LINGO2: variants seen among roughly 807,000 people sequenced by gnomAD.
LINGO2 encodes leucine rich repeat and Ig domain containing 2, also known as leucine-rich repeat and immunoglobulin-like domain-containing nogo receptor-interacting protein 2.
Under a neutral mutation model 30.6 loss-of-function variants are expected in LINGO2, and 14 were observed. That is an observed-to-expected ratio of 0.46 (90% CI 0.30 to 0.72). The LOEUF is 0.72. Ranked by LOEUF, LINGO2 falls within the 30% of genes least tolerant of loss-of-function variation. The pLI, the probability that LINGO2 is intolerant of heterozygous loss-of-function variation, is 0.07. For synonymous variants in LINGO2, 317 were observed against 288.5 expected (o/e 1.10, Z -1.00); for missense variants, 729 against 751.7 (o/e 0.97, Z 0.35).
intron 4 of LINGO2, among the ~76,000 whole-genome samples, chr9:28,039,419 G>A (rs977209133): frequency 5.9e-5 from 9 of 152,106 alleles, no homozygotes; most frequent in Admixed American, 2.0e-4. Context: ...TAAAAGAGGC[G>A]CAACTAACAG....
chr9:28,260,541 C>T (rs1822528956), intron 4 of LINGO2, among the ~76,000 whole-genome samples: 1 of 151,800 alleles, frequency 6.6e-6, no homozygotes. Flanking sequence ...TTTGTCATTA[C>T]TCGTAGTTAC....
chr9:28,356,330 G>C (rs1447740006), intron 3 of LINGO2, among the ~76,000 whole-genome samples: 1 of 151,990 alleles, frequency 6.6e-6, no homozygotes, highest in African/African-American at 2.4e-5. Flanking sequence ...TGACCTCCTA[G>C]GTTTGTAGAC....
Position 27,986,252 on chromosome 9 carries a change from AAC to A in LINGO2, c.-36+26101_-36+26102del, listed in dbSNP as rs144531403. On this transcript the variant is annotated intron_variant, in intron 5 of 5. Coordinates refer to ENST00000379992, the Ensembl canonical transcript of LINGO2. ...TTCCAGTGACCACATTCCCCAACTCAACACACACACACACACAGAGCAGTTAA... is the reference window on the plus strand; with the variant it reads ...TTCCAGTGACCACATTCCCCAACTCAACACACACACACACAGAGCAGTTAA... Among the ~76,000 whole-genome samples, 1,010 of 150,078 alleles carry A rather than the reference AAC, an allele frequency of 6.7e-3. 14 individuals are homozygous for A. Among genetic ancestry groups the A allele is most frequent in the African/African-American group, 0.023 (943 of 41,164 alleles).
In LINGO2 at chr9:28,332,964, C is replaced by T. The variant is rs1380603431; in HGVS notation, c.-245-37598G>A. ...GGGGATCGGGTAAACATCCTCACTCCTCAAAGTTTAAAGCTAGATGTTTTA... is the reference window on the plus strand; with the variant it reads ...GGGGATCGGGTAAACATCCTCACTCTTCAAAGTTTAAAGCTAGATGTTTTA... On this transcript the variant is annotated intron_variant, in intron 3 of 5. Coordinates refer to ENST00000379992, the Ensembl canonical transcript of LINGO2. Among the ~76,000 whole-genome samples, 13 of 152,074 alleles carry T rather than the reference C, an allele frequency of 8.5e-5. No individual in the cohort carries two copies. The South Asian group carries it at 2.7e-3, about 32-fold the overall frequency.
chr9:28,524,371 A>G (rs1820935764), intron 1 of LINGO2, among the ~76,000 whole-genome samples: 1 of 152,238 alleles, frequency 6.6e-6, no homozygotes, highest in Non-Finnish European at 1.5e-5. Context: ...TTTCTTAAAT[A>G]TAACATCAAA....
chr9:28,137,597 T>C (rs1827554602), intron 4 of LINGO2, among the ~76,000 whole-genome samples: 1 of 151,998 alleles, frequency 6.6e-6, no homozygotes, highest in Admixed American at 6.5e-5. Flanking sequence ...ATTTTATATA[T>C]TTTTATTGAT....
chr9:28,736,457 T>A, the LINGO2 span, among the ~76,000 whole-genome samples: 1 of 152,130 alleles, frequency 6.6e-6, no homozygotes, highest in Non-Finnish European at 1.5e-5. Context: ...ACTTCTTCAT[T>A]TATAAACTGT....
At chr9:28,238,825 A>ATAATG (rs148705270) in intron 4 of LINGO2, among the ~76,000 whole-genome samples, 941 of 7,434 alleles carry the variant, frequency 0.13, 8 homozygotes, top group African/African-American at 0.43. Context: ...ATGAAAATAA[A>ATAATG]TAACAGATAA....
At chr9:28,662,945 G>A (rs1033238984) in intron 1 of LINGO2, among the ~76,000 whole-genome samples, 1 of 152,128 alleles carries the variant, frequency 6.6e-6, no homozygotes, top group South Asian at 2.1e-4. Context: ...GAGGTAAATA[G>A]AAGAATATTA....
the LINGO2 span, among the ~76,000 whole-genome samples, chr9:29,204,355 C>A: frequency 1.3e-5 from 2 of 152,172 alleles, no homozygotes; most frequent in Non-Finnish European, 2.9e-5. Context: ...GCACATAACA[C>A]AATTTCTCAT....
intron 1 of LINGO2, among the ~76,000 whole-genome samples, chr9:28,660,685 A>T (rs997457320): frequency 6.6e-6 from 1 of 152,000 alleles, no homozygotes; most frequent in South Asian, 2.1e-4. Context: ...GGATATGTTA[A>T]TTTTTTTTCC....
the LINGO2 span, among the ~76,000 whole-genome samples, chr9:29,016,636 T>C: frequency 2.6e-5 from 4 of 152,160 alleles, no homozygotes; most frequent in African/African-American, 9.7e-5. Context: ...TCCAAATTCT[T>C]ACATTAACCC....
the LINGO2 span, among the ~76,000 whole-genome samples, chr9:28,936,766 C>G: frequency 6.6e-6 from 1 of 152,166 alleles, no homozygotes; most frequent in Admixed American, 6.5e-5. Context: ...AGTGGTCAGT[C>G]ACATTTGAAC....
intron 4 of LINGO2, among the ~76,000 whole-genome samples, chr9:28,244,047 T>C (rs1587312084): frequency 6.6e-6 from 1 of 152,108 alleles, no homozygotes; most frequent in East Asian, 1.9e-4. Flanking sequence ...CACATGGGAC[T>C]TATGCTAAAA....
chr9:29,138,789 T>A, the LINGO2 span, among the ~76,000 whole-genome samples: 9 of 152,298 alleles, frequency 5.9e-5, no homozygotes, highest in South Asian at 1.9e-3. Flanking sequence ...TAATGCGTCA[T>A]ATAATTCTCT....
chr9:28,165,674 G>A (rs1473616431), intron 4 of LINGO2, among the ~76,000 whole-genome samples: 3 of 152,094 alleles, frequency 2.0e-5, no homozygotes, highest in African/African-American at 7.2e-5. Flanking sequence ...GATTCCTTTT[G>A]AGCTGGTATA....
the LINGO2 span, among the ~76,000 whole-genome samples, chr9:28,724,208 T>G: frequency 1.3e-5 from 2 of 152,150 alleles, no homozygotes; most frequent in Admixed American, 6.5e-5. Flanking sequence ...CACTGTTTCT[T>G]GAGTTCTTAT....
the LINGO2 span, among the ~76,000 whole-genome samples, chr9:28,877,709 G>A: frequency 6.6e-6 from 1 of 152,054 alleles, no homozygotes; most frequent in African/African-American, 2.4e-5. Flanking sequence ...TTGTTCTTTT[G>A]GCTTAGGATT....
chr9:28,141,930 AG>A (rs1827684193), intron 4 of LINGO2, among the ~76,000 whole-genome samples: 1 of 152,318 alleles, frequency 6.6e-6, no homozygotes, highest in Non-Finnish European at 1.5e-5. Context: ...CAAAATTCTT[AG>A]CTAGAATTGT....
Sources: allele counts gnomAD v4.1 joint callset (sites outside exome capture counted in the v4.1 genomes callset), GRCh38; gene constraint gnomAD v4.1.1; transcripts MANE v1.5; gene names NCBI Gene and HGNC (gene_info 2026-07-23, HGNC 2026-07-21).